Variants in CYRIA observed in about 807,000 individuals in gnomAD.
CYRIA encodes the protein CYFIP related Rac1 interactor A.
In CYRIA, 15 loss-of-function variants were observed where a neutral mutation model predicts 43.9. The ratio of observed to expected loss-of-function variants is 0.34; its 90% CI spans 0.23 to 0.53. The LOEUF (loss-of-function observed/expected upper bound fraction) is 0.53, where lower values mean the gene tolerates loss of function less well. Among genes scored for constraint, CYRIA ranks in the 20% least tolerant of loss-of-function variants. The pLI is 0.94. For synonymous variants in CYRIA, 117 were observed against 136.0 expected, an observed-to-expected ratio of 0.86 and a Z score of 0.97; for missense variants, 236 against 394.2, an observed-to-expected ratio of 0.60 and a Z score of 3.40.
chr2:16,643,903 T>C (rs897020717), intron 1 of CYRIA, among the ~76,000 whole-genome samples: 3 of 152,224 alleles, frequency 2.0e-5, no homozygotes, highest in Non-Finnish European at 4.4e-5. Context: ...GCATTAACCA[T>C]CATTAGCCCC....
intron 2 of CYRIA, among the ~76,000 whole-genome samples, chr2:16,604,712 T>C (rs1016542558): frequency 1.3e-5 from 2 of 152,242 alleles, no homozygotes; most frequent in East Asian, 1.9e-4. Context: ...AGTAGCTCAG[T>C]TGATACATTC....
chr2:16,638,542 G>C (rs187745698), intron 1 of CYRIA, among the ~76,000 whole-genome samples: 1 of 152,250 alleles, frequency 6.6e-6, no homozygotes, highest in East Asian at 1.9e-4. Context: ...ATGAACAAGT[G>C]ACAAACCTCC....
At chr2:16,628,229 T>C (rs779710390) in intron 1 of CYRIA, among the ~76,000 whole-genome samples, 6 of 152,208 alleles carry the variant, frequency 3.9e-5, no homozygotes, top group Non-Finnish European at 8.8e-5. Flanking sequence ...TAGATGTGTA[T>C]ATAGATTATG....
rs1218165250 is a variant in CYRIA, at chr2:16,550,461, T to C, written c.*2475A>G. 6.6e-6 allele frequency: 1 copy of C among 152,130 alleles called. No individual in the cohort carries two copies. Among genetic ancestry groups the C allele is most frequent in the African/African-American group, 2.4e-5 (1 of 41,438 alleles). The allele number at this position is 152,130 out of a possible 1,614,324, so 9.4% of individuals were successfully genotyped here. The stretch of plus-strand genomic sequence containing the variant: ...TGATCACAGACATTCAGTTAACCTG[T>C]CCTTCCAGTAATCAGAGACAACAAT... On this transcript the variant is annotated 3_prime_UTR_variant, in exon 12 of 12. Coordinates refer to ENST00000381323, the MANE Select transcript of CYRIA (RefSeq NM_030797.4).
intron 1 of CYRIA, among the ~76,000 whole-genome samples, chr2:16,647,522 G>A (rs1390669104): frequency 5.9e-5 from 9 of 152,154 alleles, no homozygotes; most frequent in Non-Finnish European, 1.0e-4. Context: ...CTTAGCACAC[G>A]ATGTGTCCTC....
At chr2:16,567,654 G>C (rs1456980679) in intron 3 of CYRIA, among the ~76,000 whole-genome samples, 1 of 152,106 alleles carries the variant, frequency 6.6e-6, no homozygotes, top group African/African-American at 2.4e-5. Context: ...GAAACTGGTA[G>C]AGTTTCCTAA....
chr2:16,576,705 C>A (rs535766231), intron 3 of CYRIA, among the ~76,000 whole-genome samples: 3 of 152,260 alleles, frequency 2.0e-5, no homozygotes, highest in Admixed American at 6.5e-5. Flanking sequence ...CTAGCAGAAG[C>A]TTAGCACGTA....
chr2:16,619,282 T>C (rs1031732792), intron 2 of CYRIA, among the ~76,000 whole-genome samples: 4 of 152,178 alleles, frequency 2.6e-5, no homozygotes, highest in Non-Finnish European at 5.9e-5. Flanking sequence ...TGTACACATA[T>C]ATACATACAC....
At chr2:16,592,163 T>G (rs1241776881) in intron 2 of CYRIA, among the ~76,000 whole-genome samples, 1 of 152,138 alleles carries the variant, frequency 6.6e-6, no homozygotes, top group Non-Finnish European at 1.5e-5. Flanking sequence ...AAATACTCAC[T>G]GGACTCCAGA....
rs144990913 is a variant in CYRIA, at chr2:16,644,572, T to C, written c.-166-20553A>G. ...ACTACTGTTGTCTGTCAAAGCTTCCTCTAAGCTTGTTTTCTTCCTAGATGT... is the reference window on the plus strand; with the variant it reads ...ACTACTGTTGTCTGTCAAAGCTTCCCCTAAGCTTGTTTTCTTCCTAGATGT... On this transcript the variant is annotated intron_variant, in intron 1 of 11. Transcript: ENST00000381323. 2.9e-3 allele frequency among the ~76,000 whole-genome samples: 444 copies of C among 152,324 alleles called. 8 individuals are homozygous for C. Among genetic ancestry groups the C allele is most frequent in the African/African-American group, 0.01 (420 of 41,574 alleles).
In CYRIA at chr2:16,561,044, G is replaced by A; in HGVS notation, c.656C>T (p.Thr219Ile). Residue 219 changes from threonine to isoleucine, a missense_variant, in exon 9 of 12, where the codon ACC (threonine) becomes ATC (isoleucine). Around this residue, in one of 3 missense-constraint regions of CYRIA, gnomAD observed 193 missense variants for 303.9 expected, o/e 0.64. Coordinates refer to ENST00000381323, the MANE Select transcript of CYRIA (RefSeq NM_030797.4). ...SENKTLPIENTTDCLSTMTSV... is the reference protein window; with the variant it reads ...SENKTLPIENITDCLSTMTSV... ...TGTCATTGTGCTGAGGCAGTCTGTG[G>A]TGTTCTCTATTGGCAGAGTTTTGTT... The A allele has an allele frequency of 6.2e-7, 1 of 1,613,764 alleles. No individual in the cohort carries two copies. Among genetic ancestry groups the A allele is most frequent in the South Asian group, 1.1e-5 (1 of 91,078 alleles).
intron 2 of CYRIA, among the ~76,000 whole-genome samples, chr2:16,604,879 C>T (rs536240672): frequency 3.9e-5 from 6 of 152,138 alleles, no homozygotes; most frequent in African/African-American, 7.2e-5. Flanking sequence ...GATTTCATTC[C>T]GAGATGAAGG....
chr2:16,662,652 CT>C (rs1670288205), intron 1 of CYRIA, among the ~76,000 whole-genome samples: 1 of 152,200 alleles, frequency 6.6e-6, no homozygotes, highest in African/African-American at 2.4e-5. Context: ...GCAGTCCTGG[CT>C]CCCTGCCATG....
chr2:16,553,993 T>G (rs1019148706), intron 11 of CYRIA, among the ~76,000 whole-genome samples: 12 of 152,144 alleles, frequency 7.9e-5, no homozygotes, highest in African/African-American at 2.7e-4. Context: ...TTCTAAAGGA[T>G]GATGACTTAG....
At chr2:16,659,904 G>A (rs1670203152) in intron 1 of CYRIA, among the ~76,000 whole-genome samples, 1 of 152,116 alleles carries the variant, frequency 6.6e-6, no homozygotes, top group Non-Finnish European at 1.5e-5. Flanking sequence ...TGAAGGCTCT[G>A]GAATATGGGA....
chr2:16,664,426 G>GGAGGAA (rs1190433705), intron 1 of CYRIA, among the ~76,000 whole-genome samples: 1 of 152,198 alleles, frequency 6.6e-6, no homozygotes, highest in Non-Finnish European at 1.5e-5. Context: ...AGAGTCAGAA[G>GGAGGAA]GAGGAAGACA....
chr2:16,560,965 C>T (rs368779110), intron 9 of CYRIA, 25 bp downstream of exon 9: 57 of 1,605,210 alleles, frequency 3.6e-5, no homozygotes, highest in South Asian at 6.6e-5. Flanking sequence ...GTCTCAACCA[C>T]GAATACATCT....
At chr2:16,564,998 A>G (rs1218062915) in intron 4 of CYRIA, among the ~76,000 whole-genome samples, 1 of 152,144 alleles carries the variant, frequency 6.6e-6, no homozygotes, top group Non-Finnish European at 1.5e-5. Context: ...TCATATTTCA[A>G]CTGTTGTTCA....
intron 1 of CYRIA, among the ~76,000 whole-genome samples, chr2:16,636,543 G>A (rs190862646): frequency 1.4e-4 from 22 of 152,180 alleles, no homozygotes; most frequent in African/African-American, 4.3e-4. Flanking sequence ...GCCCGGTCCC[G>A]AGTTTCTTAC....
Sources: gnomAD v4.1 joint callset for allele counts (sites outside exome capture counted in the v4.1 genomes callset) on GRCh38, gnomAD v4.1.1 for gene constraint, gnomAD v4.1.1 regional missense constraint, MANE v1.5 for transcripts, NCBI Gene and HGNC (gene_info 2026-07-23, HGNC 2026-07-21) for gene names.